WDPCP: variants seen among roughly 807,000 people sequenced by gnomAD.
WDPCP encodes WD repeat containing planar cell polarity effector, also known as WD repeat-containing and planar cell polarity effector protein fritz homolog.
WDPCP carries 71 observed loss-of-function variants against 93.1 expected under a neutral mutation model. The observed-to-expected ratio is 0.76, with a 90% CI of 0.63 to 0.93. The LOEUF (loss-of-function observed/expected upper bound fraction) is 0.93. Among genes scored for constraint, WDPCP ranks in the 40% least tolerant of loss-of-function variants. WDPCP has a pLI of 0.00. For missense variants in WDPCP, 844 were observed against 887.4 expected, an observed-to-expected ratio of 0.95 and a Z score of 0.62; for synonymous variants, 315 against 315.0, an observed-to-expected ratio of 1.00 and a Z score of 0.00.
At chr2:63,821,891 G>T (rs1325158705) in intron 1 of WDPCP, among the ~76,000 whole-genome samples, 3 of 152,108 alleles carry the variant, frequency 2.0e-5, no homozygotes, top group Non-Finnish European at 4.4e-5. Flanking sequence ...AAGTAGTAAG[G>T]ATAGGTTTTC....
rs200696700 is a variant in WDPCP at position 63,647,792 on chromosome 2, AT to A, written n.488+2866del. Among the ~76,000 whole-genome samples, 213 of 149,640 alleles carry A rather than the reference AT, an allele frequency of 1.4e-3. 1 individual carries two copies. Among genetic ancestry groups the A allele is most frequent in the African/African-American group, 1.3e-3 (55 of 40,928 alleles). ...GATACAAGACCCTCTCTGTATTATC[AT>A]TTTTTTTTTACAACTGCATGTGAAT... is the stretch of plus-strand genomic sequence containing the variant. On this transcript the variant is annotated intron_variant and non_coding_transcript_variant, in intron 3 of 4. Coordinates refer to the WDPCP transcript ENST00000467687.
At chr2:63,693,453 A>AGATG (rs778187925) in intron 2 of WDPCP, among the ~76,000 whole-genome samples, 7 of 146,966 alleles carry the variant, frequency 4.8e-5, no homozygotes, top group African/African-American at 2.7e-5. Context: ...ATAGATAGAT[A>AGATG]GATAGATAGA....
At chr2:63,625,243 G>A (rs1709797712) in intron 3 of WDPCP, among the ~76,000 whole-genome samples, 1 of 152,166 alleles carries the variant, frequency 6.6e-6, no homozygotes, top group Admixed American at 6.5e-5. Context: ...GCAAAAGCTG[G>A]AAGCATTCCC....
chr2:63,554,065 T>C (rs1025997980), intron 1 of WDPCP, among the ~76,000 whole-genome samples: 1 of 152,212 alleles, frequency 6.6e-6, no homozygotes, highest in African/African-American at 2.4e-5. Flanking sequence ...GTTTCACCCA[T>C]TGTTCCAATA....
At chr2:63,718,181 T>C (rs951329084) in intron 2 of WDPCP, among the ~76,000 whole-genome samples, 1 of 152,128 alleles carries the variant, frequency 6.6e-6, no homozygotes, top group African/African-American at 2.4e-5. Context: ...CTTAGGTTGA[T>C]TCCATATCTT....
At chr2:63,631,933 T>C (rs999030419) in intron 3 of WDPCP, among the ~76,000 whole-genome samples, 7 of 152,240 alleles carry the variant, frequency 4.6e-5, no homozygotes, top group African/African-American at 1.4e-4. Context: ...CAGAGGACAC[T>C]GGCATCTTTC....
At chr2:63,416,915 C>G (rs917863205) in intron 9 of WDPCP, among the ~76,000 whole-genome samples, 1 of 152,160 alleles carries the variant, frequency 6.6e-6, no homozygotes, top group Non-Finnish European at 1.5e-5. Flanking sequence ...ACAGACAACA[C>G]CGTACAGTTA....
At chr2:63,795,517 A>AAGAAAGAGAGAAAGAGAAAG (rs1670601514) in intron 2 of WDPCP, among the ~76,000 whole-genome samples, 1 of 151,230 alleles carries the variant, frequency 6.6e-6, no homozygotes, top group Non-Finnish European at 1.5e-5. Context: ...AAAAGAAAGA[A>AAGAAAGAGAGAAAGAGAAAG]AGAAAGAGAG....
At chr2:63,405,870 GA>G (rs1213299859) in intron 9 of WDPCP, among the ~76,000 whole-genome samples, 1 of 152,048 alleles carries the variant, frequency 6.6e-6, no homozygotes, top group Non-Finnish European at 1.5e-5. Context: ...AAATTTTATA[GA>G]ACTGTACATC....
intron 2 of WDPCP, among the ~76,000 whole-genome samples, chr2:63,689,898 G>A (rs1015508762): frequency 1.3e-5 from 2 of 152,188 alleles, no homozygotes. Flanking sequence ...GTACTGCACA[G>A]AAGCAATAAT....
intron 2 of WDPCP, among the ~76,000 whole-genome samples, chr2:63,697,799 C>T (rs1272179461): frequency 6.6e-6 from 1 of 151,512 alleles, no homozygotes; most frequent in African/African-American, 2.4e-5. Context: ...AGGGGTGTAC[C>T]ACCATGCCAG....
At chr2:63,555,547 C>T (rs951477574) in intron 1 of WDPCP, among the ~76,000 whole-genome samples, 2 of 152,158 alleles carry the variant, frequency 1.3e-5, no homozygotes, top group African/African-American at 4.8e-5. Flanking sequence ...TAGGTGAGAC[C>T]CCCCCGCAAC....
intron 1 of WDPCP, among the ~76,000 whole-genome samples, chr2:63,531,195 T>G (rs1199338017): frequency 6.6e-6 from 1 of 152,180 alleles, no homozygotes; most frequent in Non-Finnish European, 1.5e-5. Flanking sequence ...CCCAGAAGCT[T>G]GAACTGGGTG....
rs1050736182 is a variant in WDPCP, at chr2:63,753,437, G to A, written n.308+60185C>T. On this transcript the variant is annotated intron_variant and non_coding_transcript_variant, in intron 2 of 4. Coordinates refer to the WDPCP transcript ENST00000467687. ...GTGCAAGACTCCGTCTCGAACAACAGCAACAACAAAAAATGAAATACCTGA... is the reference window on the plus strand; with the variant it reads ...GTGCAAGACTCCGTCTCGAACAACAACAACAACAAAAAATGAAATACCTGA... 2.0e-5 allele frequency among the ~76,000 whole-genome samples: 3 copies of A among 151,778 alleles called. No homozygotes were observed. In the South Asian group the frequency reaches 6.2e-4, roughly 32 times the overall value.
chr2:63,406,274 G>A (rs1180518351), intron 9 of WDPCP, among the ~76,000 whole-genome samples: 2 of 152,066 alleles, frequency 1.3e-5, no homozygotes, highest in Non-Finnish European at 2.9e-5. Flanking sequence ...TGACTAATAC[G>A]TTAAATTTTT....
chr2:63,821,254 AG>A lies in WDPCP; in HGVS notation n.222+6367del, dbSNP rs551703913. Among the ~76,000 whole-genome samples the A allele has an allele frequency of 3.9e-5, 6 of 152,246 alleles. No homozygotes were observed. In the South Asian group the frequency reaches 1.0e-3, roughly 26 times the overall value. ...ACTCTGCCAGGGAGTCTGAACTTGG[AG>A]GTGTCATTAAGAAGGTGAACTCTGG... On this transcript the variant is annotated intron_variant and non_coding_transcript_variant, in intron 1 of 4. Coordinates refer to the WDPCP transcript ENST00000467687.
At chr2:63,755,946 C>T (rs1050537089) in intron 2 of WDPCP, among the ~76,000 whole-genome samples, 7 of 152,218 alleles carry the variant, frequency 4.6e-5, no homozygotes, top group African/African-American at 1.7e-4. Flanking sequence ...CCAGGTAATT[C>T]TCATTGCATT....
chr2:63,542,433 C>G (rs756669262), intron 1 of WDPCP, among the ~76,000 whole-genome samples: 30 of 152,182 alleles, frequency 2.0e-4, no homozygotes, highest in Non-Finnish European at 4.1e-4. Flanking sequence ...GAGGTTACTC[C>G]CATTTTCATG....
chr2:63,614,647 G>A lies in WDPCP; in HGVS notation n.488+36012C>T, dbSNP rs548168478. On this transcript the variant is annotated intron_variant and non_coding_transcript_variant, in intron 3 of 4. Coordinates refer to the WDPCP transcript ENST00000467687. ...TAAACTAGTATTCCTCTTCCCCAAG[G>A]TGACTCATAGCAATTAAAACTCCTG... 1.8e-3 allele frequency among the ~76,000 whole-genome samples: 274 copies of A among 152,058 alleles called. 1 individual carries two copies. Among genetic ancestry groups the A allele is most frequent in the Non-Finnish European group, 2.3e-3 (154 of 68,014 alleles).
Sources: allele counts gnomAD v4.1 joint callset (sites outside exome capture counted in the v4.1 genomes callset), GRCh38; gene constraint gnomAD v4.1.1; transcripts MANE v1.5; gene names NCBI Gene and HGNC (gene_info 2026-07-23, HGNC 2026-07-21).